CLXN: variants seen among roughly 807,000 people sequenced by gnomAD.
CLXN encodes the protein EF-hand calcium binding domain 1.
the CLXN span, chr8:48,716,250 GGCACCCGCAGGCCAGCCGGCC>G: frequency 6.5e-6 from 1 of 153,086 alleles, no homozygotes; most frequent in Admixed American, 6.5e-5. Context: ...TGGGGCCGGC[GGCACCCGCAGGCCAGCCGGCC>G]GCTCCAAGTG....
chr8:48,721,210 T>G, the CLXN span, among the ~76,000 whole-genome samples: 4 of 151,868 alleles, frequency 2.6e-5, no homozygotes, highest in South Asian at 8.3e-4. Flanking sequence ...TCATTCCTAA[T>G]AGCAGCAAAA....
chr8:48,715,305 C>G, the CLXN span: 1 of 152,210 alleles, frequency 6.6e-6, no homozygotes, highest in African/African-American at 2.4e-5. Flanking sequence ...GATCCCAGCT[C>G]TTGTCTCCCC....
At chr8:48,717,591 G>A in the CLXN span, among the ~76,000 whole-genome samples, 86,662 of 152,048 alleles carry the variant, frequency 0.57, 28,284 homozygotes, top group Non-Finnish European at 0.73. Context: ...ACAAATGAAA[G>A]CATAAATCTC....
the CLXN span, among the ~76,000 whole-genome samples, chr8:48,725,174 G>A: frequency 6.6e-6 from 1 of 152,166 alleles, no homozygotes; most frequent in Admixed American, 6.5e-5. Context: ...GGTTGGGAAC[G>A]AGGCACTCTC....
the CLXN span, chr8:48,712,121 T>G: frequency 6.6e-6 from 1 of 152,208 alleles, no homozygotes; most frequent in African/African-American, 2.4e-5. Flanking sequence ...CCAGTGCTTT[T>G]GGGCTAATTA....
chr8:48,713,146 C>T, the CLXN span, among the ~76,000 whole-genome samples: 896 of 152,302 alleles, frequency 5.9e-3, 9 homozygotes, highest in African/African-American at 0.021. Flanking sequence ...AAGACACCAT[C>T]TGCCTCAATC....
the CLXN span, chr8:48,731,557 A>C: frequency 1.6e-5 from 24 of 1,467,156 alleles, no homozygotes; most frequent in Non-Finnish European, 2.2e-5. Context: ...TTAAGTTCTA[A>C]CTTAAATTTT....
chr8:48,717,214 AG>A, the CLXN span, among the ~76,000 whole-genome samples: 1 of 152,218 alleles, frequency 6.6e-6, no homozygotes, highest in East Asian at 1.9e-4. Flanking sequence ...AACCCCAAGA[AG>A]GGTACAATGA....
the CLXN span, chr8:48,731,425 A>G: frequency 6.2e-7 from 1 of 1,613,570 alleles, no homozygotes; most frequent in African/African-American, 1.3e-5. Flanking sequence ...ATCCAGTCCA[A>G]CAACCAGACC....
At chr8:48,729,963 T>C in the CLXN span, 36 of 1,263,716 alleles carry the variant, frequency 2.8e-5, no homozygotes, top group Non-Finnish European at 3.8e-5. Flanking sequence ...TCTATCTTGA[T>C]GCTGTACCCA....
At chr8:48,729,959 T>A in the CLXN span, 1 of 1,306,340 alleles carries the variant, frequency 7.7e-7, no homozygotes, top group Non-Finnish European at 1.0e-6. Context: ...AAGTTCTATC[T>A]TGATGCTGTA....
At chr8:48,714,327 T>C in the CLXN span, among the ~76,000 whole-genome samples, 1 of 152,180 alleles carries the variant, frequency 6.6e-6, no homozygotes, top group Non-Finnish European at 1.5e-5. Flanking sequence ...TCCATCAATC[T>C]AGATATTGCA....
the CLXN span, among the ~76,000 whole-genome samples, chr8:48,723,206 A>G: frequency 1.3e-5 from 2 of 152,208 alleles, no homozygotes; most frequent in African/African-American, 4.8e-5. Flanking sequence ...GATTGTGGTG[A>G]TTATTTCACA....
the CLXN span, chr8:48,714,117 T>G: frequency 6.6e-6 from 1 of 152,250 alleles, no homozygotes; most frequent in African/African-American, 2.4e-5. Flanking sequence ...CCAAGGTCAG[T>G]CAGGTTGGCT....
At chr8:48,726,488 C>CCATT in the CLXN span, among the ~76,000 whole-genome samples, 94 of 146,116 alleles carry the variant, frequency 6.4e-4, no homozygotes, top group African/African-American at 2.2e-3. Flanking sequence ...ATCCATTCAT[C>CCATT]CATCCATCCA....
chr8:48,717,919 A>G, the CLXN span, among the ~76,000 whole-genome samples: 7 of 152,212 alleles, frequency 4.6e-5, no homozygotes, highest in Admixed American at 6.5e-5. Context: ...AACATCATCA[A>G]ATCAAAGAGA....
chr8:48,719,855 G>A, the CLXN span, among the ~76,000 whole-genome samples: 2 of 152,118 alleles, frequency 1.3e-5, no homozygotes, highest in African/African-American at 2.4e-5. Context: ...TGGTAGAAAC[G>A]GTGCTCATTC....
the CLXN span, chr8:48,715,282 T>G: frequency 6.6e-6 from 1 of 152,292 alleles, no homozygotes; most frequent in East Asian, 1.9e-4. Context: ...ATCAACAAGA[T>G]GATACACTAG....
the CLXN span, chr8:48,731,527 C>T: frequency 1.9e-6 from 3 of 1,558,840 alleles, no homozygotes; most frequent in Non-Finnish European, 2.6e-6. Flanking sequence ...ATAGATATAA[C>T]AAAAATGAAC....
Sources: allele counts gnomAD v4.1 joint callset (sites outside exome capture counted in the v4.1 genomes callset), GRCh38; gene constraint gnomAD v4.1.1; transcripts MANE v1.5; gene names NCBI Gene and HGNC (gene_info 2026-07-23, HGNC 2026-07-21).